The following SLC24A2 variants were observed in gnomAD, a reference collection of about 807,000 sequenced individuals.
SLC24A2 encodes the protein solute carrier family 24 member 2.
In SLC24A2, 36 loss-of-function variants were observed where a neutral mutation model predicts 62.0. The ratio of observed to expected loss-of-function variants is 0.58; its 90% CI spans 0.44 to 0.77. SLC24A2 has a LOEUF of 0.77. SLC24A2 is among the 30% of genes least tolerant of loss of function. The pLI is 0.00. For missense variants in SLC24A2, 846 were observed against 817.9 expected (o/e 1.03, Z -0.42); for synonymous variants, 358 against 294.0 (o/e 1.22, Z -2.23).
At chr9:19,721,639 G>A (rs185266284) in intron 2 of SLC24A2, among the ~76,000 whole-genome samples, 64 of 152,202 alleles carry the variant, frequency 4.2e-4, no homozygotes, top group Non-Finnish European at 7.5e-4. Flanking sequence ...GCTCTTTAAA[G>A]TGTCATTTAA....
the SLC24A2 span, among the ~76,000 whole-genome samples, chr9:20,024,262 A>T: frequency 6.6e-6 from 1 of 152,238 alleles, no homozygotes; most frequent in Non-Finnish European, 1.5e-5. Context: ...TGTGCGGCAG[A>T]AAATTCCAAG....
the SLC24A2 span, among the ~76,000 whole-genome samples, chr9:19,825,757 G>C: frequency 4.0e-5 from 6 of 151,770 alleles, no homozygotes; most frequent in Admixed American, 3.9e-4. Context: ...TTTTTTTTCA[G>C]TTAAGAAGCT....
chr9:19,543,563 G>T (rs1426415544), intron 8 of SLC24A2, among the ~76,000 whole-genome samples: 1 of 151,956 alleles, frequency 6.6e-6, no homozygotes, highest in Non-Finnish European at 1.5e-5. Context: ...TCTCTTGTGG[G>T]CATTTAGTGC....
chr9:20,276,703 C>T, the SLC24A2 span, among the ~76,000 whole-genome samples: 5 of 152,380 alleles, frequency 3.3e-5, no homozygotes, highest in East Asian at 5.8e-4. Context: ...CTGCAGCACA[C>T]CTCTGCCTAG....
At chr9:19,997,607 G>A in the SLC24A2 span, among the ~76,000 whole-genome samples, 4 of 152,078 alleles carry the variant, frequency 2.6e-5, no homozygotes, top group East Asian at 7.7e-4. Flanking sequence ...TATTATAGAA[G>A]GGGAGAGGTA....
At chr9:19,737,970 C>T (rs181230311) in intron 2 of SLC24A2, among the ~76,000 whole-genome samples, 1 of 152,128 alleles carries the variant, frequency 6.6e-6, no homozygotes, top group Non-Finnish European at 1.5e-5. Flanking sequence ...TTGTTTCATA[C>T]TGCAAAATAT....
At chr9:19,729,991 A>G (rs1821288317) in intron 2 of SLC24A2, among the ~76,000 whole-genome samples, 1 of 152,156 alleles carries the variant, frequency 6.6e-6, no homozygotes, top group Non-Finnish European at 1.5e-5. Context: ...ATGAATATGT[A>G]CCATTATCAT....
chr9:19,998,176 T>C, the SLC24A2 span, among the ~76,000 whole-genome samples: 2 of 152,198 alleles, frequency 1.3e-5, no homozygotes, highest in African/African-American at 4.8e-5. Context: ...ATTTTCTCCA[T>C]TTTAGAGATG....
the SLC24A2 span, among the ~76,000 whole-genome samples, chr9:20,104,050 A>ACACCCAGATTCATAAAGCAAGTCCTGAGT: frequency 6.6e-6 from 1 of 152,226 alleles, no homozygotes; most frequent in African/African-American, 2.4e-5. Flanking sequence ...TACATGAAGA[A>ACACCCAGATTCATAAAGCAAGTCCTGAGT]TGCAGAAGCC....
chr9:19,561,534 A>G (rs1328408211), intron 7 of SLC24A2, among the ~76,000 whole-genome samples: 7 of 148,066 alleles, frequency 4.7e-5, no homozygotes, highest in African/African-American at 1.8e-4. Context: ...TCCTGGGTTC[A>G]AGGGATTTTC....
chr9:19,570,658 T>A (rs2132837205), intron 7 of SLC24A2, among the ~76,000 whole-genome samples: 1 of 152,348 alleles, frequency 6.6e-6, no homozygotes, highest in East Asian at 1.9e-4. Flanking sequence ...AGCATCTAAC[T>A]CTGTAATAAG....
At chr9:20,305,201 A>C in the SLC24A2 span, among the ~76,000 whole-genome samples, 3 of 149,314 alleles carry the variant, frequency 2.0e-5, no homozygotes, top group Non-Finnish European at 4.4e-5. Flanking sequence ...TCTGCCTCGC[A>C]GGTTCAAGTG....
chr9:20,096,700 G>C, the SLC24A2 span, among the ~76,000 whole-genome samples: 1 of 151,308 alleles, frequency 6.6e-6, no homozygotes, highest in Non-Finnish European at 1.5e-5. Context: ...TTTCTTCTCA[G>C]TTTTTTCTTA....
At chr9:20,106,503 A>T in the SLC24A2 span, among the ~76,000 whole-genome samples, 2 of 152,336 alleles carry the variant, frequency 1.3e-5, no homozygotes, top group East Asian at 3.9e-4. Flanking sequence ...ATCTACCATG[A>T]TCAAGTGGGC....
At chr9:20,109,290 A>C in the SLC24A2 span, among the ~76,000 whole-genome samples, 1 of 152,226 alleles carries the variant, frequency 6.6e-6, no homozygotes, top group Non-Finnish European at 1.5e-5. Context: ...ATTATGCAGA[A>C]AAAAATTAAC....
chr9:19,532,183 A>C (rs1176881549), intron 8 of SLC24A2, among the ~76,000 whole-genome samples: 3 of 152,128 alleles, frequency 2.0e-5, no homozygotes, highest in Non-Finnish European at 4.4e-5. Context: ...TGTGGGTTCA[A>C]GTGTTTCTCC....
At chr9:20,287,377 G>A in the SLC24A2 span, among the ~76,000 whole-genome samples, 1 of 152,146 alleles carries the variant, frequency 6.6e-6, no homozygotes, top group South Asian at 2.1e-4. Context: ...CAGCCCAATG[G>A]CCAGAGGTGT....
the SLC24A2 span, among the ~76,000 whole-genome samples, chr9:20,243,917 T>C: frequency 6.6e-6 from 1 of 151,982 alleles, no homozygotes; most frequent in Non-Finnish European, 1.5e-5. Flanking sequence ...CTTTGTTTTA[T>C]TGGTGGATAG....
the SLC24A2 span, among the ~76,000 whole-genome samples, chr9:20,107,089 T>C: frequency 2.2e-3 from 342 of 152,258 alleles, 1 homozygote; most frequent in Non-Finnish European, 4.1e-3. Context: ...GAATTCCCAT[T>C]CACAATTGCT....
Sources: allele counts gnomAD v4.1 joint callset (sites outside exome capture counted in the v4.1 genomes callset), GRCh38; gene constraint gnomAD v4.1.1; transcripts MANE v1.5; gene names NCBI Gene and HGNC (gene_info 2026-07-23, HGNC 2026-07-21).